Variants in ST7 observed in about 807,000 individuals in gnomAD.
ST7 encodes suppression of tumorigenicity 7.
A neutral mutation model predicts 78.7 loss-of-function variants in ST7; 28 were observed. The observed-to-expected ratio is 0.36, with a 90% CI of 0.26 to 0.49. The LOEUF (loss-of-function observed/expected upper bound fraction) is 0.49, where lower values mean the gene tolerates loss of function less well. Among genes scored for constraint, ST7 ranks in the 20% least tolerant of loss-of-function variants. ST7 has a pLI of 0.99. For missense variants in ST7, 418 were observed against 696.0 expected (o/e 0.60, Z 4.49); for synonymous variants, 247 against 249.6 (o/e 0.99, Z 0.10).
intron 2 of ST7, among the ~76,000 whole-genome samples, chr7:117,101,610 C>A (rs1322660384): frequency 6.6e-6 from 1 of 152,154 alleles, no homozygotes. Context: ...CTTTGCCTCT[C>A]AAGAGTGGTG....
chr7:117,007,206 C>T (rs765940809), intron 1 of ST7, among the ~76,000 whole-genome samples: 8 of 152,008 alleles, frequency 5.3e-5, no homozygotes, highest in Admixed American at 1.3e-4. Flanking sequence ...GATATGGATG[C>T]GAGGGAAAAA....
At chr7:116,990,662 A>G (rs771060273) in intron 1 of ST7, among the ~76,000 whole-genome samples, 2 of 152,110 alleles carry the variant, frequency 1.3e-5, no homozygotes, top group Non-Finnish European at 2.9e-5. Context: ...TTCTAATTAA[A>G]TGTCACCTTC....
Position 117,055,586 on chromosome 7 carries a change from T to TC in ST7, c.152-44175dup, listed in dbSNP as rs1448738141. On this transcript the variant is annotated intron_variant, in intron 1 of 15. Coordinates refer to ENST00000323984, the MANE Select transcript of ST7 (RefSeq NM_001369598.1). Reference sequence around the variant, plus strand: ...CCCAGGATTTGCACTCAGGTCATTGTCACCAATAACCTGTGCTCCAACCAC... The same window carrying TC: ...CCCAGGATTTGCACTCAGGTCATTGTCCACCAATAACCTGTGCTCCAACCAC... Among the ~76,000 whole-genome samples, 1,328 of 152,324 alleles carry TC rather than the reference T, an allele frequency of 8.7e-3. 22 individuals carry two copies. The highest frequency in any genetic ancestry group is 0.029 in the African/African-American group (1,223 of 41,566).
At chr7:117,068,806 G>C (rs1798770764) in intron 1 of ST7, among the ~76,000 whole-genome samples, 1 of 152,208 alleles carries the variant, frequency 6.6e-6, no homozygotes, top group South Asian at 2.1e-4. Flanking sequence ...CATTCTCTGT[G>C]TATTTAATTA....
At chr7:117,005,923 T>C (rs545743560) in intron 1 of ST7, among the ~76,000 whole-genome samples, 97 of 152,336 alleles carry the variant, frequency 6.4e-4, no homozygotes, top group Non-Finnish European at 9.8e-4. Flanking sequence ...TTCAGAGATG[T>C]TTTATTTAAG....
At chr7:117,046,916 C>T (rs1197492835) in intron 1 of ST7, among the ~76,000 whole-genome samples, 1 of 152,156 alleles carries the variant, frequency 6.6e-6, no homozygotes, top group Non-Finnish European at 1.5e-5. Context: ...AAATTATTTA[C>T]CTCTCTGAGC....
intron 12 of ST7, among the ~76,000 whole-genome samples, chr7:117,203,002 G>A (rs78715468): frequency 0.047 from 7,093 of 152,230 alleles, 519 homozygotes; most frequent in African/African-American, 0.15. Flanking sequence ...TCAGCTCTCT[G>A]TATATGCAGG....
intron 1 of ST7, among the ~76,000 whole-genome samples, chr7:116,982,847 G>C (rs1216653952): frequency 1.3e-5 from 2 of 152,134 alleles, no homozygotes; most frequent in Non-Finnish European, 2.9e-5. Flanking sequence ...GGGAGAGTAA[G>C]GGAATATATG....
intron 10 of ST7, among the ~76,000 whole-genome samples, chr7:117,182,477 T>G (rs771159590): frequency 1.3e-5 from 2 of 152,234 alleles, no homozygotes; most frequent in African/African-American, 4.8e-5. Context: ...TTTTAAGATT[T>G]GAAATTTAAT....
chr7:116,970,171 T>A (rs1340921503), intron 1 of ST7, among the ~76,000 whole-genome samples: 1 of 152,164 alleles, frequency 6.6e-6, no homozygotes, highest in Non-Finnish European at 1.5e-5. Context: ...AGGCCCTGTT[T>A]GGAGGCTGCT....
intron 2 of ST7, among the ~76,000 whole-genome samples, chr7:117,117,136 A>G (rs147507493): frequency 6.6e-6 from 1 of 152,292 alleles, no homozygotes; most frequent in Non-Finnish European, 1.5e-5. Flanking sequence ...TGGTCAGGTC[A>G]TTGTAACTTG....
chr7:116,985,904 C>G (rs1480742518), intron 1 of ST7, among the ~76,000 whole-genome samples: 1 of 152,204 alleles, frequency 6.6e-6, no homozygotes, highest in African/African-American at 2.4e-5. Context: ...ATGATCTTGG[C>G]TCATTGCAAC....
chr7:117,140,346 A>G (rs1364145946), intron 9 of ST7, among the ~76,000 whole-genome samples: 3 of 152,180 alleles, frequency 2.0e-5, no homozygotes, highest in Non-Finnish European at 4.4e-5. Flanking sequence ...TACCAGCTTC[A>G]TGACCCAAGG....
At chr7:117,052,826 G>A (rs1225055094) in intron 1 of ST7, among the ~76,000 whole-genome samples, 2 of 152,210 alleles carry the variant, frequency 1.3e-5, no homozygotes, top group East Asian at 1.9e-4. Flanking sequence ...CGCAGGAGGC[G>A]GAGCTTGCAG....
At position 117,190,750 on chromosome 7, in the gene ST7, A is replaced by T; in HGVS notation, c.1152-84A>T. ...CATGCTATTGGCTCACTGTGGTTTT[A>T]TGGGCCCTAGATGTGTAGATGCTTC... On this transcript the variant is annotated intron_variant, in intron 11 of 15. Transcript: ENST00000323984. The surrounding 1 kb of genome is among the most constrained non-coding windows in gnomAD (Gnocchi z 5.2). 2 of 1,084,214 alleles carry T rather than the reference A, an allele frequency of 1.8e-6. No individual in the cohort carries two copies. Among genetic ancestry groups the T allele is most frequent in the South Asian group, 2.7e-5 (2 of 75,320 alleles). The allele number at this position is 1,084,214 out of a possible 1,614,324, so 67.2% of individuals were successfully genotyped here.
At chr7:116,997,244 A>C (rs1794704643) in intron 1 of ST7, among the ~76,000 whole-genome samples, 1 of 152,150 alleles carries the variant, frequency 6.6e-6, no homozygotes, top group African/African-American at 2.4e-5. Flanking sequence ...CAAAAGAACA[A>C]AGCTTCCACA....
chr7:117,229,640 T>C (rs1793665437), intron 15 of ST7, 122 bp from the exon 16 acceptor site: 2 of 757,954 alleles, frequency 2.6e-6, no homozygotes, highest in African/African-American at 3.5e-5. Flanking sequence ...AAAGATGAAA[T>C]GGTTGCCTTT....
Position 117,210,623 on chromosome 7 carries a change from G to C in ST7, c.1405+686G>C, listed in dbSNP as rs568603807. Among the ~76,000 whole-genome samples the C allele has an allele frequency of 2.6e-5, 4 of 152,326 alleles. No individual in the cohort carries two copies. The South Asian group carries it at 8.3e-4, about 32-fold the overall frequency. On this transcript the variant is annotated intron_variant, in intron 13 of 15. Transcript: ENST00000323984. ...GGCAGCTGCCTGTTGATTTTCAGAAGGGAGAGGTCCATGGGGTGGAGTGAT... is the reference window on the plus strand; with the variant it reads ...GGCAGCTGCCTGTTGATTTTCAGAACGGAGAGGTCCATGGGGTGGAGTGAT...
chr7:117,213,875 C>T (rs549930551), intron 13 of ST7, among the ~76,000 whole-genome samples: 2 of 152,246 alleles, frequency 1.3e-5, no homozygotes, highest in South Asian at 2.1e-4. Flanking sequence ...ACTGTTCTGG[C>T]GATCCTCACA....
Sources: allele counts gnomAD v4.1 joint callset (sites outside exome capture counted in the v4.1 genomes callset), GRCh38; gene constraint gnomAD v4.1.1; non-coding constraint Gnocchi (gnomAD v3.1); transcripts MANE v1.5; gene names NCBI Gene and HGNC (gene_info 2026-07-23, HGNC 2026-07-21).